KIF3B: variants seen among roughly 807,000 people sequenced by gnomAD.
KIF3B encodes kinesin-like protein KIF3B.
In KIF3B, 38 loss-of-function variants were observed where a neutral mutation model predicts 74.3. The observed-to-expected ratio is 0.51, with a 90% CI of 0.39 to 0.67. The LOEUF (loss-of-function observed/expected upper bound fraction) is 0.67. Ranked by LOEUF, KIF3B falls within the 30% of genes least tolerant of loss-of-function variation. KIF3B has a pLI of 0.00. For missense variants in KIF3B, 649 were observed against 932.0 expected (o/e 0.70, Z 3.95); for synonymous variants, 326 against 342.5 (o/e 0.95, Z 0.53).
intron 1 of KIF3B, among the ~76,000 whole-genome samples, chr20:32,287,153 A>G (rs1459333356): frequency 6.6e-6 from 1 of 151,968 alleles, no homozygotes; most frequent in African/African-American, 2.4e-5. Context: ...ATTTTTCCAT[A>G]TTTTTGTACT....
chr20:32,330,226 A>T lies in KIF3B; in HGVS notation c.2054A>T (p.Gln685Leu). The T allele has an allele frequency of 6.2e-7, 1 of 1,614,138 alleles. No homozygotes were observed. The highest frequency in any genetic ancestry group is 8.5e-7 in the Non-Finnish European group (1 of 1,180,000). The change falls in exon 8 of 9, where the codon CAG (glutamine) becomes CTG (leucine). Residue 685 changes from glutamine (Q) to leucine (L), a missense_variant. This residue lies in a region of KIF3B where 186 missense variants were observed against 198.5 expected (regional missense o/e 0.94). Transcript: ENST00000375712. ...GGTCCAGCCATTGCCCCCAAGGTCC[A>T]GGCTGCATTGGATGCGGCTCTGCAG... ...YEGPAIAPKV[Q>L]AALDAALQDE... is the part of the protein sequence containing the mutation.
chr20:32,310,172 G>A lies in KIF3B; in HGVS notation c.395G>A (p.Arg132Gln). The A allele has an allele frequency of 1.2e-6, 2 of 1,613,084 alleles. No homozygotes were observed. Among genetic ancestry groups the A allele is most frequent in the Non-Finnish European group, 1.7e-6 (2 of 1,179,234 alleles). Residue 132 changes from arginine to glutamine, a missense_variant, in exon 2 of 9, where the codon CGA (arginine) becomes CAA (glutamine). Coordinates refer to ENST00000375712, the MANE Select transcript of KIF3B (RefSeq NM_004798.4). This position sits in a 1 kb window ranked among gnomAD's most constrained non-coding sequence, Gnocchi z 6.5. ...GACCATATCTTCACCCACATCTCTC[G>A]ATCCCAGAATCAACAATACCTGGTC... ...SFDHIFTHIS[R>Q]SQNQQYLVRA...
At chr20:32,312,827 T>C (rs2047807914) in intron 2 of KIF3B, among the ~76,000 whole-genome samples, 2 of 152,238 alleles carry the variant, frequency 1.3e-5, no homozygotes, top group Non-Finnish European at 2.9e-5. Context: ...CAGCTTCAAC[T>C]TCTCTAGACA....
chr20:32,287,141 C>G (rs2122656733), intron 1 of KIF3B, among the ~76,000 whole-genome samples: 1 of 152,226 alleles, frequency 6.6e-6, no homozygotes, highest in Non-Finnish European at 1.5e-5. Context: ...TATTTCATAA[C>G]CATTTTTCCA....
intron 1 of KIF3B, among the ~76,000 whole-genome samples, chr20:32,289,009 C>T (rs954824919): frequency 7.9e-5 from 12 of 152,028 alleles, no homozygotes; most frequent in Non-Finnish European, 1.6e-4. Context: ...GATTCTGATC[C>T]GGGGTTCTGA....
intron 2 of KIF3B, 27 bp from the exon 3 acceptor site, chr20:32,316,191 A>G (rs373120333): frequency 1.6e-6 from 2 of 1,273,160 alleles, no homozygotes; most frequent in Admixed American, 1.7e-5. Context: ...CGTTCATGAG[A>G]TGGATTCTAC....
intron 5 of KIF3B, among the ~76,000 whole-genome samples, chr20:32,323,593 T>C (rs929807886): frequency 2.0e-5 from 3 of 151,950 alleles, no homozygotes; most frequent in Non-Finnish European, 4.4e-5. Context: ...TAAAAATATT[T>C]TTCAGCCGAG....
chr20:32,291,768 C>T (rs1385968360), intron 1 of KIF3B, among the ~76,000 whole-genome samples: 1 of 151,834 alleles, frequency 6.6e-6, no homozygotes, highest in Non-Finnish European at 1.5e-5. Flanking sequence ...GACATGCATG[C>T]ACCACACCCA....
In KIF3B at chr20:32,331,203, C is replaced by T. The variant is rs1433195318; in HGVS notation, c.2148-20C>T. ...CAGAGATGGGGACATGTAATATAAA[C>T]ATGTGTTTGACTTTTGCAGGCCTAA... On this transcript the variant is annotated intron_variant, in intron 8 of 8. Coordinates refer to ENST00000375712, the MANE Select transcript of KIF3B (RefSeq NM_004798.4). The T allele has an allele frequency of 6.5e-7, 1 of 1,547,530 alleles. No homozygotes were observed. The highest frequency in any genetic ancestry group is 1.4e-5 in the African/African-American group (1 of 72,948).
chr20:32,309,475 A>G (rs1299531169), intron 1 of KIF3B, among the ~76,000 whole-genome samples: 1 of 152,154 alleles, frequency 6.6e-6, no homozygotes. Context: ...AGCCTATAGC[A>G]TAAGATCAGA....
rs2047928771 is a variant in KIF3B, at chr20:32,331,321, G to C, written c.*2G>C. On this transcript the variant is annotated 3_prime_UTR_variant, in exon 9 of 9. Coordinates refer to ENST00000375712, the MANE Select transcript of KIF3B (RefSeq NM_004798.4). ...TCTCGGGGGCTGGTTCCAAAGTAAA[G>C]CCAGCTTCTCCTCTCCCAGGGCGGA... 6.2e-7 allele frequency: 1 copy of C among 1,604,330 alleles called. No individual in the cohort carries two copies. The highest frequency in any genetic ancestry group is 1.4e-5 in the African/African-American group (1 of 73,886).
At chr20:32,283,920 G>A (rs1569186247) in intron 1 of KIF3B, among the ~76,000 whole-genome samples, 1 of 145,724 alleles carries the variant, frequency 6.9e-6, no homozygotes, top group African/African-American at 2.5e-5. Context: ...GGCATGAGCC[G>A]CTAATTTTTT....
chr20:32,329,350 CT>C (rs35042287), intron 7 of KIF3B, among the ~76,000 whole-genome samples: 38,240 of 140,610 alleles, frequency 0.27, 6,102 homozygotes, highest in African/African-American at 0.47. Flanking sequence ...CCTTTTTTTT[CT>C]TTTTTTTTTT....
chr20:32,284,328 A>G (rs556933271), intron 1 of KIF3B, among the ~76,000 whole-genome samples: 1 of 152,248 alleles, frequency 6.6e-6, no homozygotes, highest in East Asian at 1.9e-4. Flanking sequence ...GATCATCTGG[A>G]CTACATATTA....
rs940799632 is a variant in KIF3B at position 32,310,597 on chromosome 20, G to A, written c.820G>A (p.Ala274Thr). The A allele has an allele frequency of 2.5e-6, 4 of 1,613,960 alleles. No individual in the cohort carries two copies. Among genetic ancestry groups the A allele is most frequent in the African/African-American group, 1.3e-5 (1 of 74,880 alleles). The stretch of plus-strand genomic sequence containing the variant: ...TACCAAGATCAACCTCTCCCTTTCC[G>A]CTTTGGGTAATGTCATCTCTGCTCT... ...EATKINLSLS[A>T]LGNVISALVD... Residue 274 changes from alanine (A) to threonine (T), a missense_variant, in exon 2 of 9, where the codon GCT becomes ACT. Ala to Thr is a moderately conservative substitution (Grantham distance 58). Transcript: ENST00000375712. The surrounding 1 kb of genome is among the most constrained non-coding windows in gnomAD (Gnocchi z 6.5).
At chr20:32,287,142 C>A in intron 1 of KIF3B, among the ~76,000 whole-genome samples, 1 of 152,088 alleles carries the variant, frequency 6.6e-6, no homozygotes, top group East Asian at 1.9e-4. Flanking sequence ...ATTTCATAAC[C>A]ATTTTTCCAT....
At position 32,331,867 on chromosome 20, in the gene KIF3B, C is replaced by T. The variant is rs1190700222; in HGVS notation, c.*548C>T. The stretch of plus-strand genomic sequence containing the variant: ...TTTGGATCCAGGCCCCAGGTGGGCA[C>T]CATCAGCAGTCTTGCTTCCATGCAC... On this transcript the variant is annotated 3_prime_UTR_variant, in exon 9 of 9. Transcript: ENST00000375712. The T allele has an allele frequency of 6.5e-6, 1 of 153,174 alleles. No homozygotes were observed. Among genetic ancestry groups the T allele is most frequent in the African/African-American group, 2.4e-5 (1 of 41,464 alleles). The allele number at this position is 153,174 out of a possible 1,614,324, so 9.5% of individuals were successfully genotyped here.
intron 5 of KIF3B, among the ~76,000 whole-genome samples, chr20:32,319,262 C>G (rs2047844699): frequency 2.0e-5 from 3 of 150,950 alleles, no homozygotes; most frequent in Non-Finnish European, 4.4e-5. Flanking sequence ...TGCCCGGCCT[C>G]TCCACATCCT....
At chr20:32,278,428 A>G (rs2122647501) in intron 1 of KIF3B, among the ~76,000 whole-genome samples, 1 of 152,294 alleles carries the variant, frequency 6.6e-6, no homozygotes, top group Non-Finnish European at 1.5e-5. Context: ...AGCTTGGCAC[A>G]TAGTAAGTGC....
Sources: allele counts gnomAD v4.1 joint callset (sites outside exome capture counted in the v4.1 genomes callset), GRCh38; gene constraint gnomAD v4.1.1; regional missense constraint gnomAD v4.1.1; non-coding constraint Gnocchi (gnomAD v3.1); transcripts MANE v1.5; gene names NCBI Gene and HGNC (gene_info 2026-07-23, HGNC 2026-07-21).